The following PCDH9 variants were observed in gnomAD, a reference collection of about 807,000 sequenced individuals.
PCDH9 encodes protocadherin 9, also known as protocadherin-9.
A neutral mutation model predicts 70.6 loss-of-function variants in PCDH9; 24 were observed. That is an observed-to-expected ratio of 0.34 (90% CI 0.25 to 0.48). PCDH9 has a LOEUF of 0.48. PCDH9 is among the 20% of genes least tolerant of loss of function. PCDH9 has a pLI of 0.99. For missense variants in PCDH9, 1,281 were observed against 1,503.6 expected, an observed-to-expected ratio of 0.85 and a Z score of 2.45; for synonymous variants, 562 against 558.5, an observed-to-expected ratio of 1.01 and a Z score of -0.09.
chr13:66,758,827 T>G lies in PCDH9; in HGVS notation c.3139-127416A>C, dbSNP rs536047784. On this transcript the variant is annotated intron_variant, in intron 3 of 4. Coordinates refer to ENST00000377865, the MANE Select transcript of PCDH9 (RefSeq NM_203487.3). The stretch of plus-strand genomic sequence containing the variant: ...TCCTTACTGATCTATTTAGATTTTC[T>G]ATTTCTTCATAACTCAATCTTTGTA... 4.6e-5 allele frequency among the ~76,000 whole-genome samples: 7 copies of G among 152,184 alleles called. No homozygotes were observed. The East Asian group carries it at 1.3e-3, about 29-fold the overall frequency.
chr13:66,469,849 G>T (rs1021803485), intron 4 of PCDH9, among the ~76,000 whole-genome samples: 2 of 151,836 alleles, frequency 1.3e-5, no homozygotes, highest in African/African-American at 4.8e-5. Context: ...CTTCTATCAC[G>T]GACATTTTAT....
At chr13:66,389,101 T>C (rs947099244) in intron 4 of PCDH9, among the ~76,000 whole-genome samples, 4 of 152,170 alleles carry the variant, frequency 2.6e-5, no homozygotes, top group African/African-American at 9.6e-5. Context: ...TAACCAAGAA[T>C]CATGCACAAA....
chr13:66,548,960 G>A (rs1025334063), intron 4 of PCDH9, among the ~76,000 whole-genome samples: 2 of 151,926 alleles, frequency 1.3e-5, no homozygotes, highest in Non-Finnish European at 2.9e-5. Flanking sequence ...TGTTAAAAAG[G>A]AAGTTTTTAA....
At chr13:66,404,602 A>G (rs1339317430) in intron 4 of PCDH9, among the ~76,000 whole-genome samples, 1 of 152,142 alleles carries the variant, frequency 6.6e-6, no homozygotes, top group Non-Finnish European at 1.5e-5. Flanking sequence ...GGAAGGAATG[A>G]AAAGACAATA....
intron 2 of PCDH9, among the ~76,000 whole-genome samples, chr13:66,915,338 A>G (rs1566290140): frequency 6.6e-6 from 1 of 151,624 alleles, no homozygotes; most frequent in Non-Finnish European, 1.5e-5. Flanking sequence ...GCTCTTTTAT[A>G]GAAGTTTTTT....
intron 4 of PCDH9, among the ~76,000 whole-genome samples, chr13:66,487,801 C>G (rs1409589647): frequency 6.6e-6 from 1 of 152,112 alleles, no homozygotes; most frequent in Admixed American, 6.6e-5. Context: ...CTGAGTTAAT[C>G]TGATGGATAA....
At chr13:66,720,502 A>G (rs2078928689) in intron 3 of PCDH9, among the ~76,000 whole-genome samples, 1 of 151,880 alleles carries the variant, frequency 6.6e-6, no homozygotes, top group African/African-American at 2.4e-5. Flanking sequence ...TCTAGTAGAC[A>G]ATGTAAAAAT....
intron 3 of PCDH9, among the ~76,000 whole-genome samples, chr13:66,762,410 C>T (rs181400892): frequency 5.8e-4 from 89 of 152,164 alleles, no homozygotes; most frequent in African/African-American, 2.1e-3. Context: ...CTAGGTTTTA[C>T]TGTGGTGGGC....
At chr13:67,133,983 A>G (rs1459538537) in intron 2 of PCDH9, among the ~76,000 whole-genome samples, 1 of 152,098 alleles carries the variant, frequency 6.6e-6, no homozygotes, top group Non-Finnish European at 1.5e-5. Context: ...TAAAACAGGT[A>G]TTGATGACTC....
intron 3 of PCDH9, among the ~76,000 whole-genome samples, chr13:66,670,628 G>A (rs1172139929): frequency 1.3e-5 from 2 of 151,998 alleles, no homozygotes; most frequent in Non-Finnish European, 2.9e-5. Flanking sequence ...GGAAGTGTAA[G>A]GAAAGATGAA....
rs1283598288 is a variant in PCDH9 at position 66,947,083 on chromosome 13, T to C, written c.3037-43478A>G. On this transcript the variant is annotated intron_variant, in intron 2 of 4. Transcript: ENST00000377865. ...ATTCAGGTGTGTTCAATTACAAGTTTGTCCTGCCAACGAGCATCTCTTTGA... is the reference window on the plus strand; with the variant it reads ...ATTCAGGTGTGTTCAATTACAAGTTCGTCCTGCCAACGAGCATCTCTTTGA... 3.9e-5 allele frequency among the ~76,000 whole-genome samples: 6 copies of C among 152,312 alleles called. No homozygotes were observed. The South Asian group carries it at 1.2e-3, about 32-fold the overall frequency.
chr13:66,673,356 G>A (rs2078203069), intron 3 of PCDH9, among the ~76,000 whole-genome samples: 1 of 152,194 alleles, frequency 6.6e-6, no homozygotes, highest in Non-Finnish European at 1.5e-5. Flanking sequence ...CCATGATTGT[G>A]AGGCTTCCCC....
At chr13:66,584,062 T>C (rs905507116) in intron 4 of PCDH9, among the ~76,000 whole-genome samples, 6 of 152,174 alleles carry the variant, frequency 3.9e-5, no homozygotes, top group Non-Finnish European at 7.3e-5. Context: ...GACACTTTGA[T>C]TGTTTGAGAG....
intron 2 of PCDH9, among the ~76,000 whole-genome samples, chr13:67,184,546 C>G (rs577130006): frequency 1.3e-5 from 2 of 152,024 alleles, no homozygotes. Flanking sequence ...CAGAGCAATA[C>G]GGTGAAACCC....
intron 3 of PCDH9, among the ~76,000 whole-genome samples, chr13:66,755,030 G>T (rs1229496631): frequency 1.3e-5 from 2 of 152,110 alleles, no homozygotes; most frequent in Non-Finnish European, 2.9e-5. Context: ...AGCTTGTAAT[G>T]CACTTTGGGG....
intron 4 of PCDH9, among the ~76,000 whole-genome samples, chr13:66,629,822 T>C (rs984939277): frequency 1.2e-3 from 183 of 152,266 alleles, no homozygotes; most frequent in Non-Finnish European, 2.1e-4. Context: ...TTTCCAAAGA[T>C]GGGGACATGC....
rs1387301949 is a variant in PCDH9, at chr13:67,173,263, G to A, written c.3036+52142C>T. ...CTTGAATAAATAGAATTTGACATTT[G>A]TTACATAAAATAACTGGAAGTTGAA... On this transcript the variant is annotated intron_variant, in intron 2 of 4. Transcript: ENST00000377865. Among the ~76,000 whole-genome samples the A allele has an allele frequency of 2.6e-5, 4 of 152,064 alleles. No homozygotes were observed. In the South Asian group the frequency reaches 8.3e-4, roughly 31 times the overall value.
intron 2 of PCDH9, among the ~76,000 whole-genome samples, chr13:67,147,581 A>T (rs762465179): frequency 6.6e-6 from 1 of 152,208 alleles, no homozygotes; most frequent in Non-Finnish European, 1.5e-5. Flanking sequence ...AATAAGCTTG[A>T]AAAAGGTGCC....
intron 2 of PCDH9, among the ~76,000 whole-genome samples, chr13:66,922,628 C>T (rs1475342509): frequency 6.6e-6 from 1 of 151,450 alleles, no homozygotes; most frequent in African/African-American, 2.4e-5. Context: ...ATTGCTACTG[C>T]TTCATGCTTG....
Sources: gnomAD v4.1 joint callset for allele counts (sites outside exome capture counted in the v4.1 genomes callset) on GRCh38, gnomAD v4.1.1 for gene constraint, MANE v1.5 for transcripts, NCBI Gene and HGNC (gene_info 2026-07-23, HGNC 2026-07-21) for gene names.